The following CACNB2 variants were observed in gnomAD, a reference collection of about 807,000 sequenced individuals.
The protein encoded by CACNB2 is calcium voltage-gated channel auxiliary subunit beta 2.
In CACNB2, 42 loss-of-function variants were observed where a neutral mutation model predicts 73.3. The observed-to-expected ratio is 0.57, with a 90% CI of 0.45 to 0.74. The LOEUF is 0.74. CACNB2 is among the 30% of genes least tolerant of loss of function. The pLI, the probability that CACNB2 is intolerant of heterozygous loss-of-function variation, is 0.00. For synonymous variants in CACNB2, 348 were observed against 310.3 expected (o/e 1.12, Z -1.28); for missense variants, 940 against 853.0 (o/e 1.10, Z -1.27).
intron 10 of CACNB2, among the ~76,000 whole-genome samples, chr10:18,531,186 TCTA>T (rs1463170631): frequency 2.6e-5 from 4 of 152,232 alleles, no homozygotes; most frequent in African/African-American, 7.2e-5. Flanking sequence ...AGTAACCATC[TCTA>T]CTCTGTTATT....
intron 3 of CACNB2, among the ~76,000 whole-genome samples, chr10:18,487,905 G>C (rs1394244140): frequency 3.3e-5 from 5 of 151,542 alleles, no homozygotes; most frequent in African/African-American, 9.7e-5. Context: ...CCACACCAAG[G>C]ACCCTGCACA....
chr10:18,174,116 A>G (rs2033426186), intron 2 of CACNB2, among the ~76,000 whole-genome samples: 2 of 152,098 alleles, frequency 1.3e-5, no homozygotes, highest in African/African-American at 4.8e-5. Context: ...TAATCTTACC[A>G]TTGTTTGAAA....
chr10:18,212,800 C>T (rs762628110), intron 2 of CACNB2, among the ~76,000 whole-genome samples: 8 of 151,908 alleles, frequency 5.3e-5, no homozygotes, highest in East Asian at 1.9e-4. Context: ...TAAATAAAAA[C>T]GTAAAACCTG....
At chr10:18,178,836 C>T (rs2033732870) in intron 2 of CACNB2, among the ~76,000 whole-genome samples, 1 of 152,150 alleles carries the variant, frequency 6.6e-6, no homozygotes, top group Non-Finnish European at 1.5e-5. Flanking sequence ...CCTTGAGCCC[C>T]AGGGAAGAGA....
At position 18,249,491 on chromosome 10, in the gene CACNB2, G is replaced by C. The variant is rs2037002083; in HGVS notation, c.213+98516G>C. The stretch of plus-strand genomic sequence containing the variant: ...CTTGAAAAATGTGTGTCCACCCACT[G>C]TATCAAATTGTTCACCTCGCTCTCT... On this transcript the variant is annotated intron_variant, in intron 2 of 13. Transcript: ENST00000324631. Among the ~76,000 whole-genome samples the C allele has an allele frequency of 2.0e-5, 3 of 152,140 alleles. No individual in the cohort carries two copies. The South Asian group carries it at 6.2e-4, about 32-fold the overall frequency.
chr10:18,150,376 C>T (rs1175921660), intron 1 of CACNB2, among the ~76,000 whole-genome samples: 2 of 152,216 alleles, frequency 1.3e-5, no homozygotes, highest in Non-Finnish European at 2.9e-5. Flanking sequence ...CAAGAAAACC[C>T]TCCTCAGCCG....
chr10:18,514,544 G>T (rs1365514602), intron 7 of CACNB2, 175 bp downstream of exon 7: 1 of 1,613,530 alleles, frequency 6.2e-7, no homozygotes, highest in Non-Finnish European at 8.5e-7. Context: ...AGTTTACATT[G>T]ACATAAGCTG....
chr10:18,152,723 A>AC (rs764210242), intron 2 of CACNB2, among the ~76,000 whole-genome samples: 22 of 131,566 alleles, frequency 1.7e-4, no homozygotes, highest in South Asian at 2.3e-4. Context: ...AAAAAAAAAA[A>AC]AAAAAAAAAC....
At position 18,409,906 on chromosome 10, in the gene CACNB2, C is replaced by A. The variant is rs74868250; in HGVS notation, c.333+7863C>A. 3.9e-5 allele frequency among the ~76,000 whole-genome samples: 6 copies of A among 152,212 alleles called. No homozygotes were observed. In the East Asian group the frequency reaches 1.2e-3, roughly 29 times the overall value. On this transcript the variant is annotated intron_variant, in intron 3 of 13. Coordinates refer to ENST00000324631, the MANE Select transcript of CACNB2 (RefSeq NM_201596.3). ...CCTCCTATGTTCAGTATGTCACTCG[C>A]CTTTACTCTCAGCTATCCTTCTGAT... is the stretch of plus-strand genomic sequence containing the variant.
intron 2 of CACNB2, among the ~76,000 whole-genome samples, chr10:18,307,297 A>G (rs909058559): frequency 6.6e-6 from 1 of 152,164 alleles, no homozygotes; most frequent in African/African-American, 2.4e-5. Context: ...CCCTGTCTCT[A>G]CTAAAAATAC....
chr10:18,319,245 C>T (rs1369843721), intron 2 of CACNB2, among the ~76,000 whole-genome samples: 4 of 152,136 alleles, frequency 2.6e-5, no homozygotes, highest in Non-Finnish European at 4.4e-5. Context: ...GGTATATATA[C>T]ACTGTGGAAT....
At chr10:18,378,192 C>T (rs2042879076) in intron 2 of CACNB2, among the ~76,000 whole-genome samples, 1 of 152,150 alleles carries the variant, frequency 6.6e-6, no homozygotes, top group South Asian at 2.1e-4. Context: ...GACCTGAATG[C>T]ACAGCTTGGA....
chr10:18,407,107 G>GTTTTTTTTTTT (rs1293331753), intron 3 of CACNB2, among the ~76,000 whole-genome samples: 3 of 49,554 alleles, frequency 6.1e-5, no homozygotes, highest in African/African-American at 1.5e-4. Flanking sequence ...CTGCTGTTCT[G>GTTTTTTTTTTT]TCTTTTTTTT....
At chr10:18,233,441 A>G (rs2036300437) in intron 2 of CACNB2, among the ~76,000 whole-genome samples, 1 of 150,550 alleles carries the variant, frequency 6.6e-6, no homozygotes, top group Non-Finnish European at 1.5e-5. Flanking sequence ...TCTAGTGGAA[A>G]CATCTTTTTT....
At position 18,196,179 on chromosome 10, in the gene CACNB2, A is replaced by G. The variant is rs78348780; in HGVS notation, c.213+45204A>G. Reference sequence around the variant, plus strand: ...CACAGAGATTAAGTAAATTGCTTATAATTACATGGCTTGTAACTGTGGGGT... The same window carrying G: ...CACAGAGATTAAGTAAATTGCTTATGATTACATGGCTTGTAACTGTGGGGT... On this transcript the variant is annotated intron_variant, in intron 2 of 13. Coordinates refer to ENST00000324631, the MANE Select transcript of CACNB2 (RefSeq NM_201596.3). 3.5e-3 allele frequency among the ~76,000 whole-genome samples: 526 copies of G among 152,248 alleles called. 11 individuals carry two copies. The East Asian group carries it at 0.063, about 18-fold the overall frequency.
At chr10:18,323,458 C>A (rs2040469572) in intron 2 of CACNB2, among the ~76,000 whole-genome samples, 1 of 151,772 alleles carries the variant, frequency 6.6e-6, no homozygotes, top group Admixed American at 6.6e-5. Flanking sequence ...CATTTTAGAA[C>A]CTATATCACA....
At chr10:18,295,291 G>T (rs781462317) in intron 2 of CACNB2, among the ~76,000 whole-genome samples, 1 of 152,078 alleles carries the variant, frequency 6.6e-6, no homozygotes, top group African/African-American at 2.4e-5. Flanking sequence ...AATCCTTCCT[G>T]TTTTTTGAGA....
intron 2 of CACNB2, among the ~76,000 whole-genome samples, chr10:18,253,312 A>G (rs2037160494): frequency 6.6e-6 from 1 of 152,222 alleles, no homozygotes; most frequent in South Asian, 2.1e-4. Context: ...GGTGGGGCTG[A>G]GTACATAGCA....
At chr10:18,512,411 G>T (rs2050853901) in intron 6 of CACNB2, among the ~76,000 whole-genome samples, 1 of 152,024 alleles carries the variant, frequency 6.6e-6, no homozygotes, top group Non-Finnish European at 1.5e-5. Context: ...TGAATCATTG[G>T]CCTTGTGTAT....
Sources: allele counts gnomAD v4.1 joint callset (sites outside exome capture counted in the v4.1 genomes callset), GRCh38; gene constraint gnomAD v4.1.1; transcripts MANE v1.5; gene names NCBI Gene and HGNC (gene_info 2026-07-23, HGNC 2026-07-21).